The following RANBP2 variants were observed in gnomAD, a reference collection of about 807,000 sequenced individuals.
The protein encoded by RANBP2 is RAN binding protein 2.
RANBP2 carries 57 observed loss-of-function variants against 303.6 expected under a neutral mutation model. The ratio of observed to expected loss-of-function variants is 0.19; its 90% CI spans 0.15 to 0.23. The LOEUF is 0.23. RANBP2 is among the 10% of genes least tolerant of loss of function. The pLI, the probability that RANBP2 is intolerant of heterozygous loss-of-function variation, is 1.00. For synonymous variants in RANBP2, 1,167 were observed against 1,301.5 expected (o/e 0.90, Z 2.23); for missense variants, 3,138 against 3,780.8 (o/e 0.83, Z 4.46).
At chr2:108,757,077 T>G (rs1436388422) in intron 17 of RANBP2, among the ~76,000 whole-genome samples, 2 of 152,212 alleles carry the variant, frequency 1.3e-5, no homozygotes, top group African/African-American at 4.8e-5. Context: ...AAAGCAGACA[T>G]GCTAGATCTG....
chr2:109,210,681 G>C, the RANBP2 span, among the ~76,000 whole-genome samples: 1 of 152,202 alleles, frequency 6.6e-6, no homozygotes, highest in African/African-American at 2.4e-5. Context: ...CTCCAGGTGG[G>C]AGGCCCAGGA....
At chr2:109,520,577 G>GT in the RANBP2 span, among the ~76,000 whole-genome samples, 12 of 130,296 alleles carry the variant, frequency 9.2e-5, no homozygotes, top group South Asian at 2.7e-4. Context: ...TCCAGCCTGT[G>GT]GACAGAGCAA....
the RANBP2 span, among the ~76,000 whole-genome samples, chr2:109,735,514 C>A: frequency 6.6e-6 from 1 of 151,836 alleles, no homozygotes; most frequent in South Asian, 2.1e-4. Context: ...TTTTTAGTAG[C>A]CATGTGTTAG....
the RANBP2 span, among the ~76,000 whole-genome samples, chr2:109,403,667 G>A: frequency 6.6e-6 from 1 of 152,346 alleles, no homozygotes; most frequent in East Asian, 1.9e-4. Flanking sequence ...CAGGCTCAAT[G>A]CAGGGTGCTG....
chr2:109,154,569 A>T, the RANBP2 span, among the ~76,000 whole-genome samples: 4 of 152,192 alleles, frequency 2.6e-5, 1 homozygote, highest in African/African-American at 4.8e-5. Context: ...GCCCTAGTTC[A>T]TGGCCAGAAG....
the RANBP2 span, among the ~76,000 whole-genome samples, chr2:109,091,649 G>A: frequency 6.6e-6 from 1 of 152,206 alleles, no homozygotes; most frequent in African/African-American, 2.4e-5. Context: ...CCTGCCCATG[G>A]TTTGGTAGCC....
At chr2:108,810,049 G>A in the RANBP2 span, among the ~76,000 whole-genome samples, 16 of 152,090 alleles carry the variant, frequency 1.1e-4, no homozygotes, top group African/African-American at 1.2e-4. Flanking sequence ...CAGGTGATCC[G>A]CCTGCCTCGG....
At chr2:109,426,186 A>G in the RANBP2 span, among the ~76,000 whole-genome samples, 3 of 152,190 alleles carry the variant, frequency 2.0e-5, no homozygotes, top group African/African-American at 2.4e-5. Context: ...TGGGATTACA[A>G]TCGTGAGCCA....
the RANBP2 span, among the ~76,000 whole-genome samples, chr2:108,925,722 A>G: frequency 4.6e-5 from 7 of 152,080 alleles, no homozygotes; most frequent in Non-Finnish European, 1.0e-4. Flanking sequence ...GGTGCAAACA[A>G]TTCTCCTGCC....
the RANBP2 span, among the ~76,000 whole-genome samples, chr2:109,445,827 G>A: frequency 6.6e-6 from 1 of 152,090 alleles, no homozygotes; most frequent in Non-Finnish European, 1.5e-5. Flanking sequence ...TGAAAATAAG[G>A]AAAGGACAAA....
the RANBP2 span, among the ~76,000 whole-genome samples, chr2:109,269,850 G>A: frequency 1.8e-4 from 28 of 152,190 alleles, no homozygotes; most frequent in Non-Finnish European, 1.3e-4. Flanking sequence ...CAGAATGTTC[G>A]TGTGCTCAGG....
the RANBP2 span, among the ~76,000 whole-genome samples, chr2:109,271,193 C>T: frequency 1.3e-5 from 2 of 152,106 alleles, no homozygotes; most frequent in African/African-American, 4.8e-5. Context: ...ATGAGCAAAA[C>T]AAGGTTTGCC....
At chr2:109,610,799 A>G in the RANBP2 span, among the ~76,000 whole-genome samples, 1 of 152,230 alleles carries the variant, frequency 6.6e-6, no homozygotes, top group Non-Finnish European at 1.5e-5. Context: ...TTCTCCCTAA[A>G]TCGATATAAA....
At chr2:109,120,786 G>A in the RANBP2 span, among the ~76,000 whole-genome samples, 1 of 151,464 alleles carries the variant, frequency 6.6e-6, no homozygotes, top group Non-Finnish European at 1.5e-5. Flanking sequence ...GGGTCCTGTT[G>A]ACTTTCCCCA....
the RANBP2 span, among the ~76,000 whole-genome samples, chr2:109,551,007 T>C: frequency 1.4e-4 from 22 of 152,330 alleles, no homozygotes; most frequent in Middle Eastern, 6.8e-3. Flanking sequence ...GGGATAAATA[T>C]AAACTGTACT....
At chr2:109,431,243 C>G in the RANBP2 span, among the ~76,000 whole-genome samples, 1 of 152,174 alleles carries the variant, frequency 6.6e-6, no homozygotes. Flanking sequence ...GGTCAGCATC[C>G]CCACCCAGCA....
At chr2:109,069,275 C>G in the RANBP2 span, among the ~76,000 whole-genome samples, 1 of 152,198 alleles carries the variant, frequency 6.6e-6, no homozygotes, top group Non-Finnish European at 1.5e-5. Context: ...TCAATACAGC[C>G]TTTGAGTGCA....
the RANBP2 span, among the ~76,000 whole-genome samples, chr2:109,274,035 T>C: frequency 1.3e-5 from 2 of 152,322 alleles, no homozygotes; most frequent in East Asian, 1.9e-4. Flanking sequence ...GCCAGTAATA[T>C]TACCTCCTAT....
the RANBP2 span, among the ~76,000 whole-genome samples, chr2:109,260,101 C>T: frequency 6.6e-6 from 1 of 152,068 alleles, no homozygotes; most frequent in Non-Finnish European, 1.5e-5. Context: ...AGTAGAGAGG[C>T]TCTCTGGGAT....
Sources: allele counts gnomAD v4.1 joint callset (sites outside exome capture counted in the v4.1 genomes callset), GRCh38; gene constraint gnomAD v4.1.1; transcripts MANE v1.5; gene names NCBI Gene and HGNC (gene_info 2026-07-23, HGNC 2026-07-21).